SUPT3H: variants seen among roughly 807,000 people sequenced by gnomAD.
SUPT3H encodes SPT3 homolog, SAGA and STAGA complex component.
SUPT3H carries 44 observed loss-of-function variants against 44.3 expected under a neutral mutation model. That is an observed-to-expected ratio of 0.99 (90% confidence interval 0.78 to 1.28). The LOEUF (loss-of-function observed/expected upper bound fraction) is 1.28. SUPT3H is among the 50% of genes most tolerant of loss of function. The probability of loss-of-function intolerance (pLI) is 0.00; values close to 1 mark genes in which losing one functional copy is unlikely to be tolerated. For synonymous variants in SUPT3H, 124 were observed against 125.6 expected, an observed-to-expected ratio of 0.99 and a Z score of 0.09; for missense variants, 380 against 387.1, an observed-to-expected ratio of 0.98 and a Z score of 0.15.
At chr6:45,228,351 T>C (rs752352868) in intron 2 of SUPT3H, among the ~76,000 whole-genome samples, 3 of 152,178 alleles carry the variant, frequency 2.0e-5, no homozygotes, top group Non-Finnish European at 4.4e-5. Flanking sequence ...AAGGCCTTAA[T>C]AGAGCAAAAG....
At chr6:45,362,869 T>C (rs1464555795) in intron 2 of SUPT3H, among the ~76,000 whole-genome samples, 1 of 152,220 alleles carries the variant, frequency 6.6e-6, no homozygotes, top group East Asian at 1.9e-4. Context: ...CCAAGGTCCA[T>C]CAAATGCACT....
intron 3 of SUPT3H, among the ~76,000 whole-genome samples, chr6:45,026,294 T>C (rs1785988494): frequency 6.6e-6 from 1 of 152,138 alleles, no homozygotes; most frequent in Non-Finnish European, 1.5e-5. Context: ...ATTTCCTAAG[T>C]TGGAGTTAGG....
chr6:45,086,433 TAACTC>T lies in SUPT3H; in HGVS notation c.186+19484_186+19488del, dbSNP rs1200418620. Among the ~76,000 whole-genome samples the T allele has an allele frequency of 3.9e-5, 6 of 151,972 alleles. No homozygotes were observed. The East Asian group carries it at 9.6e-4, about 24-fold the overall frequency. ...AGTCTCCCTTTTTGAAAATTAGAAA[TAACTC>T]AATCATGCTCCATTCCTGGTCAACC... On this transcript the variant is annotated intron_variant, in intron 3 of 10. Coordinates refer to ENST00000371459, the MANE Select transcript of SUPT3H (RefSeq NM_003599.4).
At chr6:44,905,022 A>G (rs987008687) in intron 10 of SUPT3H, among the ~76,000 whole-genome samples, 4 of 152,204 alleles carry the variant, frequency 2.6e-5, no homozygotes, top group African/African-American at 9.7e-5. Flanking sequence ...AATTAATTCA[A>G]GATGGATTAA....
chr6:44,837,992 G>A (rs1028172516), intron 10 of SUPT3H, among the ~76,000 whole-genome samples: 4 of 152,160 alleles, frequency 2.6e-5, no homozygotes, highest in Admixed American at 6.5e-5. Flanking sequence ...CATACAAGGA[G>A]TAAGAACACA....
chr6:44,832,285 G>T (rs1768947321), intron 10 of SUPT3H, among the ~76,000 whole-genome samples: 1 of 152,120 alleles, frequency 6.6e-6, no homozygotes, highest in Admixed American at 6.6e-5. Context: ...ACATTGCTTG[G>T]TGTGAGGGCC....
At chr6:45,189,231 T>C (rs534282730) in intron 2 of SUPT3H, among the ~76,000 whole-genome samples, 1 of 152,344 alleles carries the variant, frequency 6.6e-6, no homozygotes, top group East Asian at 1.9e-4. Flanking sequence ...CCCTAGTAAG[T>C]AAAATAAAAT....
chr6:45,055,810 A>T (rs1338737245), intron 3 of SUPT3H, among the ~76,000 whole-genome samples: 2 of 152,152 alleles, frequency 1.3e-5, no homozygotes, highest in African/African-American at 4.8e-5. Context: ...CAACAAAAAC[A>T]AAGGTAAATA....
At chr6:45,289,444 T>C (rs930445411) in intron 2 of SUPT3H, among the ~76,000 whole-genome samples, 2 of 152,146 alleles carry the variant, frequency 1.3e-5, no homozygotes, top group Non-Finnish European at 2.9e-5. Context: ...AAATAAAATA[T>C]TGAGGAAGTG....
chr6:45,257,790 C>G (rs1045467266), intron 2 of SUPT3H, among the ~76,000 whole-genome samples: 3 of 152,118 alleles, frequency 2.0e-5, no homozygotes, highest in African/African-American at 7.2e-5. Context: ...GCCTCATCAC[C>G]TCTTAACCTT....
chr6:45,005,840 A>G (rs1782644581), intron 5 of SUPT3H, among the ~76,000 whole-genome samples: 1 of 152,116 alleles, frequency 6.6e-6, no homozygotes, highest in Non-Finnish European at 1.5e-5. Flanking sequence ...TTAAATTTGT[A>G]AAGGTTTACT....
At chr6:45,075,175 A>C (rs954565310) in intron 3 of SUPT3H, among the ~76,000 whole-genome samples, 1 of 152,088 alleles carries the variant, frequency 6.6e-6, no homozygotes, top group East Asian at 1.9e-4. Context: ...AGAAATGAAA[A>C]CTATAATTAT....
rs569436675 is a variant in SUPT3H at position 45,287,279 on chromosome 6, A to G, written c.101+77922T>C. Reference sequence around the variant, plus strand: ...TAAAAAATAAAAAATATAAAAAATTATAACATGAGTGAATGGCTGATATCG... The same window carrying G: ...TAAAAAATAAAAAATATAAAAAATTGTAACATGAGTGAATGGCTGATATCG... On this transcript the variant is annotated intron_variant, in intron 2 of 10. Transcript: ENST00000371459. Among the ~76,000 whole-genome samples the G allele has an allele frequency of 8.7e-4, 132 of 152,100 alleles. 1 individual carries two copies. Among genetic ancestry groups the G allele is most frequent in the African/African-American group, 2.4e-3 (100 of 41,478 alleles).
chr6:45,225,247 C>T (rs1394134719), intron 2 of SUPT3H, among the ~76,000 whole-genome samples: 1 of 148,398 alleles, frequency 6.7e-6, no homozygotes, highest in African/African-American at 2.5e-5. Flanking sequence ...CTACTGCACT[C>T]CAGCCTGGAC....
At chr6:45,066,268 A>G (rs960527160) in intron 3 of SUPT3H, among the ~76,000 whole-genome samples, 2 of 152,072 alleles carry the variant, frequency 1.3e-5, no homozygotes, top group African/African-American at 4.8e-5. Context: ...CAACTCCTTC[A>G]TGCTAAAAAC....
chr6:45,128,551 TATATATACAC>T (rs1325243357), intron 2 of SUPT3H, among the ~76,000 whole-genome samples: 49 of 68,104 alleles, frequency 7.2e-4, no homozygotes, highest in African/African-American at 1.8e-3. Context: ...TATATATATA[TATATATACAC>T]ACACACACAC....
At chr6:45,190,235 T>C (rs774237875) in intron 2 of SUPT3H, among the ~76,000 whole-genome samples, 11 of 152,106 alleles carry the variant, frequency 7.2e-5, no homozygotes, top group Admixed American at 1.3e-4. Context: ...AAAAATGTTA[T>C]GGTTAAAAAA....
intron 2 of SUPT3H, among the ~76,000 whole-genome samples, chr6:45,236,509 AG>A (rs1423212934): frequency 6.6e-6 from 1 of 152,138 alleles, no homozygotes; most frequent in East Asian, 1.9e-4. Flanking sequence ...AAAGTGGCAA[AG>A]GAGGCAGATG....
chr6:45,353,840 GGGAAAATAGGGAAAAT>G (rs1477268798), intron 2 of SUPT3H, among the ~76,000 whole-genome samples: 1 of 151,388 alleles, frequency 6.6e-6, no homozygotes, highest in Non-Finnish European at 1.5e-5. Flanking sequence ...GGTGCTGGCG[GGGAAAATAGGGAAAAT>G]GCCAAATATA....
Sources: allele counts gnomAD v4.1 joint callset (sites outside exome capture counted in the v4.1 genomes callset), GRCh38; gene constraint gnomAD v4.1.1; transcripts MANE v1.5; gene names NCBI Gene and HGNC (gene_info 2026-07-23, HGNC 2026-07-21).